The following MAGI2 variants were observed in gnomAD, a reference collection of about 807,000 sequenced individuals.
The protein encoded by MAGI2 is membrane-associated guanylate kinase, WW and PDZ domain-containing protein 2.
In MAGI2, 35 loss-of-function variants were observed where a neutral mutation model predicts 133.3. The ratio of observed to expected loss-of-function variants is 0.26; its 90% CI spans 0.20 to 0.35. The LOEUF (loss-of-function observed/expected upper bound fraction) is 0.35, where lower values mean the gene tolerates loss of function less well. Among genes scored for constraint, MAGI2 ranks in the 10% least tolerant of loss-of-function variants. The probability of loss-of-function intolerance (pLI) is 1.00; values close to 1 mark genes in which losing one functional copy is unlikely to be tolerated. For synonymous variants in MAGI2, 729 were observed against 710.6 expected, an observed-to-expected ratio of 1.03 and a Z score of -0.41; for missense variants, 1,636 against 1,863.4, an observed-to-expected ratio of 0.88 and a Z score of 2.25.
intron 1 of MAGI2, among the ~76,000 whole-genome samples, chr7:79,265,840 A>T (rs981738700): frequency 2.6e-5 from 4 of 152,150 alleles, no homozygotes; most frequent in African/African-American, 9.7e-5. Context: ...CTAATCTGAT[A>T]TCTGTTCACA....
intron 16 of MAGI2, among the ~76,000 whole-genome samples, chr7:78,139,530 T>C (rs1297522198): frequency 6.6e-6 from 1 of 152,224 alleles, no homozygotes. Flanking sequence ...GTTTCTATTA[T>C]TGGGATGAAT....
intron 8 of MAGI2, among the ~76,000 whole-genome samples, 167 bp downstream of exon 8, chr7:78,345,755 G>T (rs975583838): frequency 2.6e-5 from 4 of 152,192 alleles, no homozygotes; most frequent in Admixed American, 2.6e-4. Context: ...GGTTGCTAAA[G>T]GCATTAGTTT....
chr7:78,296,189 G>A (rs1327785398), intron 9 of MAGI2, among the ~76,000 whole-genome samples: 2 of 152,146 alleles, frequency 1.3e-5, no homozygotes, highest in African/African-American at 4.8e-5. Context: ...TTATTCCTCT[G>A]CTAAATGATT....
At chr7:79,391,516 T>TATATATATATATATATATAGAC (rs1844626016) in intron 1 of MAGI2, among the ~76,000 whole-genome samples, 3 of 52,142 alleles carry the variant, frequency 5.8e-5, no homozygotes, top group African/African-American at 2.4e-4. Flanking sequence ...GACATATATA[T>TATATATATATATATATATAGAC]ATATATATAT....
At chr7:78,536,796 T>C (rs2150650978) in intron 3 of MAGI2, among the ~76,000 whole-genome samples, 1 of 150,064 alleles carries the variant, frequency 6.7e-6, no homozygotes, top group Non-Finnish European at 1.5e-5. Flanking sequence ...AGTCTTGCTC[T>C]GTCGCCCAGG....
At chr7:78,309,695 T>C (rs761967057) in intron 9 of MAGI2, among the ~76,000 whole-genome samples, 8 of 152,086 alleles carry the variant, frequency 5.3e-5, no homozygotes, top group Admixed American at 1.3e-4. Flanking sequence ...TTTTAAAAAA[T>C]AATTATTGAG....
At chr7:78,896,369 C>G (rs915218112) in intron 2 of MAGI2, among the ~76,000 whole-genome samples, 2 of 151,816 alleles carry the variant, frequency 1.3e-5, no homozygotes, top group African/African-American at 4.8e-5. Flanking sequence ...TCCACAAAAG[C>G]CATACAATGA....
intron 1 of MAGI2, among the ~76,000 whole-genome samples, chr7:79,292,270 CTTAT>C (rs1291027248): frequency 2.6e-5 from 4 of 152,102 alleles, no homozygotes; most frequent in Admixed American, 6.5e-5. Context: ...CATTTATTTA[CTTAT>C]TTATTTATTT....
At chr7:78,168,493 T>C (rs1584241651) in intron 14 of MAGI2, among the ~76,000 whole-genome samples, 1 of 152,194 alleles carries the variant, frequency 6.6e-6, no homozygotes, top group South Asian at 2.1e-4. Context: ...AAATGACGAA[T>C]ACCCTTAAGG....
intron 3 of MAGI2, among the ~76,000 whole-genome samples, chr7:78,593,125 A>ATT (rs61169098): frequency 0.29 from 43,242 of 148,866 alleles, 6,727 homozygotes; most frequent in Middle Eastern, 0.45. Flanking sequence ...CTGGCCCCTG[A>ATT]TTTTTTTTTT....
intron 3 of MAGI2, among the ~76,000 whole-genome samples, chr7:78,604,798 A>T (rs2150891069): frequency 6.6e-6 from 1 of 152,350 alleles, no homozygotes; most frequent in Non-Finnish European, 1.5e-5. Context: ...ATTTAAATTC[A>T]TATAAATGGC....
chr7:79,251,841 C>T lies in MAGI2; in HGVS notation c.301+201179G>A, dbSNP rs577012998. On this transcript the variant is annotated intron_variant, in intron 1 of 21. Transcript: ENST00000354212. ...CAAGATTTGTAAGCGATCTAAATGT[C>T]CATTAGTAGATGGATGAATGGATTT... is the stretch of plus-strand genomic sequence containing the variant. Among the ~76,000 whole-genome samples, 5 of 151,960 alleles carry T rather than the reference C, an allele frequency of 3.3e-5. No homozygotes were observed. In the South Asian group the frequency reaches 8.3e-4, roughly 25 times the overall value.
intron 3 of MAGI2, among the ~76,000 whole-genome samples, chr7:78,611,000 T>C (rs1445742490): frequency 6.6e-6 from 1 of 152,246 alleles, no homozygotes; most frequent in Non-Finnish European, 1.5e-5. Flanking sequence ...TTCCTTCAAG[T>C]TACTAAACAT....
rs56343412 is a variant in MAGI2, at chr7:78,559,171, A to AAAAAG, written c.539-37531_539-37527dup. ...AAAAAAAAAAAAAAAAAAAAAAGCC[A>AAAAAG]AAAAGAAAAGAAAAGAAAAGAAAAG... On this transcript the variant is annotated intron_variant, in intron 3 of 21. Coordinates refer to ENST00000354212, the MANE Select transcript of MAGI2 (RefSeq NM_012301.4). Among the ~76,000 whole-genome samples, 445 of 107,424 alleles carry AAAAAG rather than the reference A, an allele frequency of 4.1e-3. 5 individuals carry two copies. The highest frequency in any genetic ancestry group is 0.014 in the African/African-American group (386 of 27,366). 70.5% of individuals were successfully genotyped at this position (107,424 alleles called of 152,430 possible).
chr7:78,811,253 A>G (rs1789016341), intron 2 of MAGI2, among the ~76,000 whole-genome samples: 1 of 152,124 alleles, frequency 6.6e-6, no homozygotes, highest in Admixed American at 6.5e-5. Context: ...ACAAATAAAT[A>G]TGCTGTTTGC....
intron 2 of MAGI2, among the ~76,000 whole-genome samples, chr7:78,756,846 C>T (rs745839596): frequency 6.6e-6 from 1 of 152,134 alleles, no homozygotes; most frequent in Admixed American, 6.5e-5. Context: ...GCTCCTCTTG[C>T]TTCATCATTC....
intron 1 of MAGI2, among the ~76,000 whole-genome samples, chr7:79,032,888 T>A (rs748932434): frequency 6.6e-6 from 1 of 151,508 alleles, no homozygotes; most frequent in East Asian, 1.9e-4. Context: ...AAAGTTCTTT[T>A]GAGAAGGACA....
At chr7:78,351,701 CAA>C (rs1166457867) in intron 7 of MAGI2, 3 of 152,104 alleles carry the variant, frequency 2.0e-5, no homozygotes, top group Non-Finnish European at 2.9e-5. Flanking sequence ...AACTAGCAGG[CAA>C]ACACAGACAT....
intron 3 of MAGI2, among the ~76,000 whole-genome samples, chr7:78,604,597 A>G (rs1805600824): frequency 6.6e-6 from 1 of 152,234 alleles, no homozygotes; most frequent in South Asian, 2.1e-4. Context: ...AATAGACATA[A>G]ATCCCTTATC....
Sources: gnomAD v4.1 joint callset for allele counts (sites outside exome capture counted in the v4.1 genomes callset) on GRCh38, gnomAD v4.1.1 for gene constraint, MANE v1.5 for transcripts, NCBI Gene and HGNC (gene_info 2026-07-23, HGNC 2026-07-21) for gene names.